PPARGC1A: variants seen among roughly 807,000 people sequenced by gnomAD.
PPARGC1A encodes PPARG coactivator 1 alpha.
A neutral mutation model predicts 88.7 loss-of-function variants in PPARGC1A; 25 were observed. The observed-to-expected ratio is 0.28, with a 90% CI of 0.21 to 0.39. The LOEUF (loss-of-function observed/expected upper bound fraction) is 0.39, where lower values mean the gene tolerates loss of function less well. PPARGC1A is among the 10% of genes least tolerant of loss of function. The pLI is 1.00. For missense variants in PPARGC1A, 880 were observed against 968.7 expected (o/e 0.91, Z 1.22); for synonymous variants, 363 against 355.6 (o/e 1.02, Z -0.24).
chr4:24,178,505 T>G, the PPARGC1A span, among the ~76,000 whole-genome samples: 1 of 152,224 alleles, frequency 6.6e-6, no homozygotes, highest in Non-Finnish European at 1.5e-5. Flanking sequence ...ATTTATTTTT[T>G]TAATCTGATT....
chr4:23,899,673 G>C (rs960103626), upstream of PPARGC1A, among the ~76,000 whole-genome samples: 3 of 152,102 alleles, frequency 2.0e-5, no homozygotes, highest in Non-Finnish European at 4.4e-5. Flanking sequence ...CACATAAAAG[G>C]TGCATACGTT....
At chr4:24,034,862 G>C in the PPARGC1A span, among the ~76,000 whole-genome samples, 1 of 152,186 alleles carries the variant, frequency 6.6e-6, no homozygotes, top group African/African-American at 2.4e-5. Flanking sequence ...TACAGTCATC[G>C]ACAGCTGGTC....
chr4:23,904,051 A>G (rs1167111072), upstream of PPARGC1A: 1 of 983,416 alleles, frequency 1.0e-6, no homozygotes, highest in Non-Finnish European at 1.2e-6. Context: ...ATTTTACTGC[A>G]GTGCAAATAC....
the PPARGC1A span, among the ~76,000 whole-genome samples, chr4:24,390,958 T>C: frequency 6.6e-6 from 1 of 152,062 alleles, no homozygotes; most frequent in Non-Finnish European, 1.5e-5. Context: ...TAAGAGTAAT[T>C]CCTTCTGTTT....
the PPARGC1A span, among the ~76,000 whole-genome samples, chr4:24,345,268 A>AT: frequency 8.3e-4 from 122 of 147,566 alleles, no homozygotes; most frequent in Middle Eastern, 3.5e-3. Context: ...GAATTTTAGA[A>AT]TTTTTTTTTT....
At chr4:24,249,226 A>G in the PPARGC1A span, among the ~76,000 whole-genome samples, 1 of 152,194 alleles carries the variant, frequency 6.6e-6, no homozygotes, top group Non-Finnish European at 1.5e-5. Flanking sequence ...AATAACCACT[A>G]TGAACATACA....
chr4:24,013,150 G>A, the PPARGC1A span, among the ~76,000 whole-genome samples: 1 of 152,136 alleles, frequency 6.6e-6, no homozygotes, highest in Non-Finnish European at 1.5e-5. Flanking sequence ...GAATAAGACG[G>A]ACGTGGCTCC....
At chr4:24,148,661 A>T in the PPARGC1A span, among the ~76,000 whole-genome samples, 2 of 152,324 alleles carry the variant, frequency 1.3e-5, no homozygotes, top group African/African-American at 2.4e-5. Context: ...GAATCCTGAG[A>T]TCTCCTGGGT....
chr4:24,378,799 TG>T, the PPARGC1A span, among the ~76,000 whole-genome samples: 1 of 152,102 alleles, frequency 6.6e-6, no homozygotes, highest in South Asian at 2.1e-4. Context: ...AATCAGAAAA[TG>T]GGAAAGCTGA....
At chr4:24,402,410 C>T in the PPARGC1A span, among the ~76,000 whole-genome samples, 2 of 152,254 alleles carry the variant, frequency 1.3e-5, no homozygotes, top group Admixed American at 6.5e-5. Flanking sequence ...TTAACAAACA[C>T]TTCCATTGGC....
At chr4:24,170,796 T>C in the PPARGC1A span, among the ~76,000 whole-genome samples, 5 of 152,180 alleles carry the variant, frequency 3.3e-5, no homozygotes, top group Non-Finnish European at 7.3e-5. Flanking sequence ...CATTATAAGA[T>C]CCCTGCCAAG....
At chr4:23,945,649 T>C in the PPARGC1A span, among the ~76,000 whole-genome samples, 15 of 152,256 alleles carry the variant, frequency 9.9e-5, no homozygotes, top group African/African-American at 3.6e-4. Context: ...AGGGACGGCA[T>C]GAGCAAAACC....
At chr4:24,175,637 C>T in the PPARGC1A span, among the ~76,000 whole-genome samples, 1 of 151,230 alleles carries the variant, frequency 6.6e-6, no homozygotes, top group Non-Finnish European at 1.5e-5. Flanking sequence ...ATCTGCCCGC[C>T]TCGGCGTCCC....
the PPARGC1A span, among the ~76,000 whole-genome samples, chr4:23,944,129 A>C: frequency 6.6e-6 from 1 of 152,228 alleles, no homozygotes; most frequent in African/African-American, 2.4e-5. Context: ...ATATTGGTTC[A>C]TTAGTTGTGA....
At chr4:24,299,054 A>G in the PPARGC1A span, among the ~76,000 whole-genome samples, 1 of 152,196 alleles carries the variant, frequency 6.6e-6, no homozygotes, top group African/African-American at 2.4e-5. Flanking sequence ...CTAAATCCAT[A>G]GGTCTCATTA....
chr4:23,852,651 C>A (rs530923791), intron 2 of PPARGC1A, among the ~76,000 whole-genome samples: 1 of 151,972 alleles, frequency 6.6e-6, no homozygotes, highest in Non-Finnish European at 1.5e-5. Context: ...TCATAGAAAT[C>A]CTAAAGCTTA....
the PPARGC1A span, among the ~76,000 whole-genome samples, chr4:24,320,322 A>G: frequency 6.6e-6 from 1 of 152,218 alleles, no homozygotes; most frequent in African/African-American, 2.4e-5. Context: ...AGAATAAATG[A>G]TATAGTTTCT....
chr4:24,072,442 A>G, the PPARGC1A span, among the ~76,000 whole-genome samples: 34,980 of 151,748 alleles, frequency 0.23, 4,564 homozygotes, highest in Admixed American at 0.36. Flanking sequence ...TTCTGATGCC[A>G]TATTTTCTAT....
chr4:24,302,326 C>T, the PPARGC1A span, among the ~76,000 whole-genome samples: 1 of 152,294 alleles, frequency 6.6e-6, no homozygotes, highest in East Asian at 1.9e-4. Flanking sequence ...CAGAGGAGAG[C>T]TGCACTGCCC....
Sources: allele counts gnomAD v4.1 joint callset (sites outside exome capture counted in the v4.1 genomes callset), GRCh38; gene constraint gnomAD v4.1.1; transcripts MANE v1.5; gene names NCBI Gene and HGNC (gene_info 2026-07-23, HGNC 2026-07-21).